Variants in ATF7IP observed in about 807,000 individuals in gnomAD.
ATF7IP encodes the protein activating transcription factor 7-interacting protein 1.
In ATF7IP, 23 loss-of-function variants were observed where a neutral mutation model predicts 106.4. The ratio of observed to expected loss-of-function variants is 0.22; its 90% CI spans 0.16 to 0.31. The LOEUF is 0.31. ATF7IP is among the 10% of genes least tolerant of loss of function. The probability of loss-of-function intolerance (pLI) is 1.00; values close to 1 mark genes in which losing one functional copy is unlikely to be tolerated. For missense variants in ATF7IP, 1,334 were observed against 1,524.3 expected (o/e 0.88, Z 2.08); for synonymous variants, 542 against 539.0 (o/e 1.01, Z -0.08).
chr12:14,385,416 T>C, intron 1 of ATF7IP: 1 of 1,531,796 alleles, frequency 6.5e-7, no homozygotes, highest in Non-Finnish European at 8.7e-7. Flanking sequence ...AACCAATTAC[T>C]CTTTTATCTT....
chr12:14,466,983 A>G (rs748064317), intron 10 of ATF7IP, among the ~76,000 whole-genome samples: 1 of 151,946 alleles, frequency 6.6e-6, no homozygotes. Context: ...CTCTACCCCT[A>G]CCACCTTTTT....
chr12:14,447,271 T>G (rs1007424160), intron 6 of ATF7IP, among the ~76,000 whole-genome samples: 10 of 143,396 alleles, frequency 7.0e-5, no homozygotes, highest in Non-Finnish European at 1.3e-4. Flanking sequence ...CTATTTTAGG[T>G]TATGCAATTC....
chr12:14,425,662 C>G (rs1455101324), intron 2 of ATF7IP, among the ~76,000 whole-genome samples, 189 bp downstream of exon 2: 1 of 152,004 alleles, frequency 6.6e-6, no homozygotes, highest in African/African-American at 2.4e-5. Flanking sequence ...TAGCATTGTA[C>G]TAAATACTAA....
intron 2 of ATF7IP, among the ~76,000 whole-genome samples, chr12:14,433,730 CAA>C (rs1242976832): frequency 6.6e-6 from 1 of 151,644 alleles, no homozygotes; most frequent in African/African-American, 2.4e-5. Context: ...TATATGATGA[CAA>C]AAAATACAGT....
intron 1 of ATF7IP, among the ~76,000 whole-genome samples, chr12:14,415,518 G>A (rs4764086): frequency 0.54 from 82,639 of 151,902 alleles, 22,997 homozygotes; most frequent in African/African-American, 0.65. Flanking sequence ...CAAACTCCCA[G>A]TTTCCTTTGT....
intron 10 of ATF7IP, among the ~76,000 whole-genome samples, chr12:14,470,383 A>G (rs1943993858): frequency 6.6e-6 from 1 of 152,226 alleles, no homozygotes; most frequent in Non-Finnish European, 1.5e-5. Flanking sequence ...ACTATTTGAT[A>G]TAATTTTTTA....
intron 1 of ATF7IP, among the ~76,000 whole-genome samples, chr12:14,397,410 C>A (rs1939911651): frequency 6.6e-6 from 1 of 152,154 alleles, no homozygotes. Flanking sequence ...TCTAATATTG[C>A]ACTTTGCACA....
At chr12:14,469,808 G>C (rs1219733856) in intron 10 of ATF7IP, among the ~76,000 whole-genome samples, 2 of 152,196 alleles carry the variant, frequency 1.3e-5, no homozygotes, top group African/African-American at 4.8e-5. Flanking sequence ...AGTTCAGAGA[G>C]ATCAGGCAAA....
intron 1 of ATF7IP, among the ~76,000 whole-genome samples, chr12:14,390,300 C>T (rs1157083602): frequency 6.6e-6 from 1 of 152,160 alleles, no homozygotes; most frequent in Non-Finnish European, 1.5e-5. Context: ...GAAGATATGG[C>T]ACCTTTTGTA....
intron 13 of ATF7IP, among the ~76,000 whole-genome samples, chr12:14,495,652 G>T (rs73306149): frequency 2.1e-3 from 313 of 152,278 alleles, no homozygotes; most frequent in African/African-American, 6.8e-3. Flanking sequence ...GGTGAAGTGA[G>T]TATCCTCAAC....
intron 13 of ATF7IP, among the ~76,000 whole-genome samples, chr12:14,494,670 C>A (rs947114845): frequency 6.6e-6 from 1 of 150,888 alleles, no homozygotes; most frequent in East Asian, 1.9e-4. Flanking sequence ...TGGTAGCTCA[C>A]GCCTGTAATC....
chr12:14,464,346 A>G (rs1943749463), intron 9 of ATF7IP, among the ~76,000 whole-genome samples: 5 of 152,174 alleles, frequency 3.3e-5, no homozygotes, highest in Admixed American at 2.6e-4. Context: ...CAAACAAACG[A>G]GAGTTTAAAC....
At chr12:14,448,724 C>G (rs1337328286) in intron 6 of ATF7IP, among the ~76,000 whole-genome samples, 1 of 152,034 alleles carries the variant, frequency 6.6e-6, no homozygotes, top group African/African-American at 2.4e-5. Flanking sequence ...TTGAGGAGCC[C>G]CCATTCTGTT....
At chr12:14,401,665 G>A (rs1240748320) in intron 1 of ATF7IP, among the ~76,000 whole-genome samples, 1 of 138,200 alleles carries the variant, frequency 7.2e-6, no homozygotes, top group African/African-American at 2.6e-5. Context: ...ATTACTTTTG[G>A]TTTTCAATTT....
In ATF7IP at chr12:14,460,828, A is replaced by T; in HGVS notation, c.2492A>T (p.Asn831Ile). ...SPPTVSGLTK[N>I]PVSLPSLPNP... ...CCTACAGTGAGTGGTCTTACCAAAA[A>T]TCCAGTATCCTTGCCATCCTTGCCA... is the stretch of plus-strand genomic sequence containing the variant. The change falls in exon 9 of 15, where the codon AAT becomes ATT. Residue 831 changes from asparagine (N) to isoleucine (I), a missense_variant. Physicochemically the swap from Asn to Ile is moderately radical, Grantham distance 149 (BLOSUM62 -3). Transcript: ENST00000261168. The T allele has an allele frequency of 6.2e-7, 1 of 1,614,194 alleles. No homozygotes were observed. Among genetic ancestry groups the T allele is most frequent in the Non-Finnish European group, 8.5e-7 (1 of 1,180,030 alleles).
chr12:14,438,892 T>A (rs1942556302), intron 5 of ATF7IP, among the ~76,000 whole-genome samples: 1 of 151,976 alleles, frequency 6.6e-6, no homozygotes, highest in Non-Finnish European at 1.5e-5. Context: ...TGCTTCATAT[T>A]TTTTTTTCCA....
In ATF7IP at chr12:14,399,360, T is replaced by G. The variant is rs188462944; in HGVS notation, c.-7-24549T>G. Among the ~76,000 whole-genome samples, 581 of 152,200 alleles carry G rather than the reference T, an allele frequency of 3.8e-3. 1 individual carries two copies. Among genetic ancestry groups the G allele is most frequent in the Non-Finnish European group, 7.0e-3 (473 of 67,990 alleles). Reference sequence around the variant, plus strand: ...ATATTGTTTTTTTTTTAGCTTTCAGTATTGCTGATGACAAGTCTGATGCCA... The same window carrying G: ...ATATTGTTTTTTTTTTAGCTTTCAGGATTGCTGATGACAAGTCTGATGCCA... On this transcript the variant is annotated intron_variant, in intron 1 of 14. Coordinates refer to ENST00000261168, the MANE Select transcript of ATF7IP (RefSeq NM_018179.5).
intron 13 of ATF7IP, among the ~76,000 whole-genome samples, chr12:14,484,732 G>A (rs138887732): frequency 1.5e-4 from 23 of 152,306 alleles, no homozygotes; most frequent in African/African-American, 5.3e-4. Flanking sequence ...TGACAGGAGT[G>A]GAGATATGGG....
chr12:14,380,840 G>A (rs559769320), intron 1 of ATF7IP, among the ~76,000 whole-genome samples: 12 of 152,196 alleles, frequency 7.9e-5, no homozygotes, highest in South Asian at 4.1e-4. Flanking sequence ...AGCTGGTCTC[G>A]AACTCCTGAC....
Sources: gnomAD v4.1 joint callset for allele counts (sites outside exome capture counted in the v4.1 genomes callset) on GRCh38, gnomAD v4.1.1 for gene constraint, MANE v1.5 for transcripts, NCBI Gene and HGNC (gene_info 2026-07-23, HGNC 2026-07-21) for gene names.